Variants in MDK observed in about 807,000 individuals in gnomAD.
MDK encodes the protein midkine, also known as amphiregulin-associated protein.
MDK carries 17 observed loss-of-function variants against 18.9 expected under a neutral mutation model. The observed-to-expected ratio is 0.90, with a 90% CI of 0.62 to 1.35. The LOEUF is 1.35. MDK is among the 40% of genes most tolerant of loss of function. The pLI is 0.00. For missense variants in MDK, 180 were observed against 186.3 expected, an observed-to-expected ratio of 0.97 and a Z score of 0.20; for synonymous variants, 86 against 74.3, an observed-to-expected ratio of 1.16 and a Z score of -0.81.
intron 2 of MDK, 39 bp from the exon 3 acceptor site, chr11:46,382,255 C>A (rs754744084): frequency 1.5e-5 from 24 of 1,603,460 alleles, no homozygotes; most frequent in Non-Finnish European, 2.0e-5. Flanking sequence ...GGAGTCTCCC[C>A]GTGCCCCAGT....
Position 46,382,720 on chromosome 11 carries a change from C to T in MDK, c.378C>T (p.Cys126=). ...AGACCATCCGCGTCACCAAGCCCTGCACCCCCAAGACCAAAGCAAAGGCCA... is the reference window on the plus strand; with the variant it reads ...AGACCATCCGCGTCACCAAGCCCTGTACCCCCAAGACCAAAGCAAAGGCCA... ...CQETIRVTKP[C]TPKTKAKAKA... Residue 126 remains cysteine (C), a synonymous_variant, in exon 4 of 5, where the codon TGC becomes TGT. Coordinates refer to ENST00000395566, the MANE Select transcript of MDK (RefSeq NM_002391.6). The T allele has an allele frequency of 6.2e-7, 1 of 1,612,638 alleles. No homozygotes were observed. The highest frequency in any genetic ancestry group is 8.5e-7 in the Non-Finnish European group (1 of 1,179,752).
intron 2 of MDK, 35 bp downstream of exon 2, chr11:46,382,168 G>C: frequency 6.2e-7 from 1 of 1,608,554 alleles, no homozygotes. Flanking sequence ...GCTGGGGACG[G>C]GCAGGCGAGG....
Position 46,383,793 on chromosome 11 carries a change from TC to T in MDK, c.*305del, listed in dbSNP as rs988685658. ...AAACACATCAAATAAACTGACTTTT[TC>T]CCCCCAATAAAAGCTCTTCTTTTTT... On this transcript the variant is annotated 3_prime_UTR_variant, in exon 5 of 5. Transcript: ENST00000395566. The T allele has an allele frequency of 1.7e-5, 8 of 481,240 alleles. No individual in the cohort carries two copies. Among genetic ancestry groups the T allele is most frequent in the South Asian group, 4.0e-5 (2 of 50,050 alleles). The allele number at this position is 481,240 out of a possible 1,614,324, so 29.8% of individuals were successfully genotyped here.
chr11:46,381,981 G>A, intron 1 of MDK, 76 bp from the exon 2 acceptor site: 1 of 1,451,356 alleles, frequency 6.9e-7, no homozygotes, highest in Admixed American at 2.0e-5. Flanking sequence ...AGCACGCGGA[G>A]GTGGGAGGGC....
rs1945248948 is a variant in MDK, at chr11:46,382,715, C to A, written c.373C>A (p.Pro125Thr). 1 of 1,612,716 alleles carries A rather than the reference C, an allele frequency of 6.2e-7. No individual in the cohort carries two copies. Among genetic ancestry groups the A allele is most frequent in the Non-Finnish European group, 8.5e-7 (1 of 1,179,802 alleles). The stretch of plus-strand genomic sequence containing the variant: ...CCAGGAGACCATCCGCGTCACCAAG[C>A]CCTGCACCCCCAAGACCAAAGCAAA... ...QCQETIRVTK[P>T]CTPKTKAKAK... is the part of the protein sequence containing the mutation. The change falls in exon 4 of 5, where the codon CCC becomes ACC. Residue 125 changes from proline (P) to threonine (T), a missense_variant. Pro to Thr is a conservative substitution (Grantham distance 38). Coordinates refer to ENST00000395566, the MANE Select transcript of MDK (RefSeq NM_002391.6).
Position 46,383,457 on chromosome 11 carries a change from C to G in MDK, c.407-12C>G. On this transcript the variant is annotated splice_polypyrimidine_tract_variant and intron_variant, in intron 4 of 4. Transcript: ENST00000395566. ...GCTGATATGGTATTAATATTTCTTT[C>G]TTGTTTTACAGCCAAGAAAGGGAAG... 6.3e-7 allele frequency: 1 copy of G among 1,582,692 alleles called. No homozygotes were observed. The highest frequency in any genetic ancestry group is 2.2e-5 in the East Asian group (1 of 44,468).
In MDK at chr11:46,382,703, C is replaced by T. The variant is rs2136541878; in HGVS notation, c.361C>T (p.Arg121Cys). The change falls in exon 4 of 5, where the codon CGC becomes TGC. Residue 121 changes from arginine to cysteine, a missense_variant. Physicochemically the swap from Arg to Cys is radical, Grantham distance 180 (BLOSUM62 -3). Transcript: ENST00000395566. ...RYNAQCQETIRVTKPCTPKTK... is the reference protein window; with the variant it reads ...RYNAQCQETICVTKPCTPKTK... ...CAATGCTCAGTGCCAGGAGACCATC[C>T]GCGTCACCAAGCCCTGCACCCCCAA... 6.2e-7 allele frequency: 1 copy of T among 1,612,324 alleles called. No homozygotes were observed. Among genetic ancestry groups the T allele is most frequent in the South Asian group, 1.1e-5 (1 of 90,970 alleles).
upstream of MDK, chr11:46,381,180 C>G (rs547780166): frequency 1.3e-5 from 2 of 152,492 alleles, no homozygotes; most frequent in South Asian, 4.1e-4. Context: ...GGAAACCGCC[C>G]CAGGTGGGCC....
At position 46,382,319 on chromosome 11, in the gene MDK, G is replaced by A; in HGVS notation, c.102G>A (p.Gly34=). The A allele has an allele frequency of 6.2e-7, 1 of 1,608,702 alleles. No homozygotes were observed. Among genetic ancestry groups the A allele is most frequent in the Non-Finnish European group, 8.5e-7 (1 of 1,178,370 alleles). The part of the protein sequence containing the change: ...KKDKVKKGGP[G]SECAEWAWGP... ...ATAAGGTGAAGAAGGGCGGCCCGGG[G>A]AGCGAGTGCGCTGAGTGGGCCTGGG... Residue 34 remains glycine (G), a synonymous_variant, in exon 3 of 5, where the codon GGG becomes GGA. Coordinates refer to ENST00000395566, the MANE Select transcript of MDK (RefSeq NM_002391.6).
Position 46,383,725 on chromosome 11 carries a change from C to T in MDK, c.*231C>T. On this transcript the variant is annotated 3_prime_UTR_variant, in exon 5 of 5. Coordinates refer to ENST00000395566, the MANE Select transcript of MDK (RefSeq NM_002391.6). ...GAGCCTCCCCCAAAGCAATGTGAGTCCCAGAGCCCGCTTTTGTTCTTCCCC... is the reference window on the plus strand; with the variant it reads ...GAGCCTCCCCCAAAGCAATGTGAGTTCCAGAGCCCGCTTTTGTTCTTCCCC... 1.5e-6 allele frequency: 1 copy of T among 656,438 alleles called. No individual in the cohort carries two copies. Among genetic ancestry groups the T allele is most frequent in the African/African-American group, 1.8e-5 (1 of 56,304 alleles). The allele number at this position is 656,438 out of a possible 1,614,324, so 40.7% of individuals were successfully genotyped here.
chr11:46,382,855 C>T (rs1306876206), intron 4 of MDK, 107 bp downstream of exon 4: 1 of 1,320,794 alleles, frequency 7.6e-7, no homozygotes, highest in South Asian at 1.3e-5. Context: ...GAGTCCTGGC[C>T]AGTGGCTTCC....
rs754759394 is a variant in MDK, at chr11:46,382,113, C to G, written c.56C>G (p.Ser19Cys). ...LTLLALLALT[S>C]AVAKKKDKVK... Reference sequence around the variant, plus strand: ...CTCCTCGCCCTGCTGGCGCTCACCTCCGCGGTCGCCAAAAAGAAAGGTGAT... The same window carrying G: ...CTCCTCGCCCTGCTGGCGCTCACCTGCGCGGTCGCCAAAAAGAAAGGTGAT... Residue 19 changes from serine (S) to cysteine (C), a missense_variant, in exon 2 of 5, where the codon TCC becomes TGC. Ser to Cys is a moderately radical substitution (Grantham distance 112, BLOSUM62 -1). Transcript: ENST00000395566. 6.2e-7 allele frequency: 1 copy of G among 1,611,164 alleles called. No homozygotes were observed. The highest frequency in any genetic ancestry group is 2.2e-5 in the East Asian group (1 of 44,830).
Position 46,382,687 on chromosome 11 carries a change from G to C in MDK, c.345G>C (p.Gln115His). The part of the protein sequence containing the change: ...GTLKKARYNA[Q>H]CQETIRVTKP... ...TGAAGAAGGCGCGCTACAATGCTCAGTGCCAGGAGACCATCCGCGTCACCA... is the reference window on the plus strand; with the variant it reads ...TGAAGAAGGCGCGCTACAATGCTCACTGCCAGGAGACCATCCGCGTCACCA... The change falls in exon 4 of 5, where the codon CAG becomes CAC. Residue 115 changes from glutamine to histidine, a missense_variant. By Grantham distance (24) the Gln-to-His change is conservative. Coordinates refer to ENST00000395566, the MANE Select transcript of MDK (RefSeq NM_002391.6). The C allele has an allele frequency of 1.9e-6, 3 of 1,613,042 alleles. No individual in the cohort carries two copies. Among genetic ancestry groups the C allele is most frequent in the Non-Finnish European group, 2.5e-6 (3 of 1,179,908 alleles).
At chr11:46,382,790 GCCCCCCCC>G in intron 4 of MDK, 42 bp downstream of exon 4, 6 of 985,944 alleles carry the variant, frequency 6.1e-6, no homozygotes, top group African/African-American at 3.0e-5. Flanking sequence ...GCGGGGGGCT[GCCCCCCCC>G]CCCCCCCGCC....
rs762656421 is a variant in MDK, at chr11:46,382,797, C to CT, written c.406+49_406+50insT. 5 of 1,496,254 alleles carry CT rather than the reference C, an allele frequency of 3.3e-6. No homozygotes were observed. The African/African-American group carries it at 6.1e-5, about 18-fold the overall frequency. The allele number at this position is 1,496,254 out of a possible 1,614,324, so 92.7% of individuals were successfully genotyped here. ...GGGCTGTCGCGGGGGGCTGCCCCCCCCCCCCCCCGCCTGTGAGGGGACAAT... is the reference window on the plus strand; with the variant it reads ...GGGCTGTCGCGGGGGGCTGCCCCCCCTCCCCCCCCGCCTGTGAGGGGACAAT... On this transcript the variant is annotated intron_variant, in intron 4 of 4. Coordinates refer to ENST00000395566, the MANE Select transcript of MDK (RefSeq NM_002391.6).
chr11:46,383,228 C>T (rs1188385039), intron 4 of MDK: 2 of 477,026 alleles, frequency 4.2e-6, no homozygotes, highest in Non-Finnish European at 7.5e-6. Context: ...GCTGCTGTGA[C>T]CAGGACTAGG....
upstream of MDK, chr11:46,381,293 G>A (rs1194578719): frequency 2.0e-5 from 3 of 152,420 alleles, no homozygotes; most frequent in Admixed American, 2.0e-4. Flanking sequence ...CGGCAGGCAA[G>A]AGAAGCTGAG....
At position 46,383,544 on chromosome 11, in the gene MDK, C is replaced by T; in HGVS notation, c.*50C>T. The T allele has an allele frequency of 6.4e-7, 1 of 1,560,154 alleles. No homozygotes were observed. Among genetic ancestry groups the T allele is most frequent in the Non-Finnish European group, 8.8e-7 (1 of 1,131,838 alleles). On this transcript the variant is annotated 3_prime_UTR_variant, in exon 5 of 5. Transcript: ENST00000395566. ...CCCCTGGTGTCACATGGGGCCTGGC[C>T]CACGCCCTCCCTCTCCCAGGCCCGA... is the stretch of plus-strand genomic sequence containing the variant.
At chr11:46,383,378 C>A in intron 4 of MDK, 91 bp from the exon 5 acceptor site, 2 of 1,006,640 alleles carry the variant, frequency 2.0e-6, no homozygotes, top group East Asian at 2.4e-5. Context: ...TCTTCTCCTT[C>A]CCTGATGCCC....
Sources: gnomAD v4.1 joint callset for allele counts on GRCh38, gnomAD v4.1.1 for gene constraint, MANE v1.5 for transcripts, NCBI Gene and HGNC (gene_info 2026-07-23, HGNC 2026-07-21) for gene names.